ACOXL: variants seen among roughly 807,000 people sequenced by gnomAD.
The protein encoded by ACOXL is acyl-CoA oxidase like, also known as acyl-coenzyme A oxidase-like protein.
ACOXL carries 70 observed loss-of-function variants against 71.9 expected under a neutral mutation model. That is an observed-to-expected ratio of 0.97 (90% CI 0.80 to 1.19). ACOXL has a LOEUF of 1.19. ACOXL is among the 50% of genes most tolerant of loss of function. ACOXL has a pLI of 0.00. For missense variants in ACOXL, 703 were observed against 736.3 expected (o/e 0.95, Z 0.52); for synonymous variants, 253 against 281.6 (o/e 0.90, Z 1.02).
chr2:110,829,618 C>T (rs1254932906), intron 9 of ACOXL, among the ~76,000 whole-genome samples: 1 of 152,214 alleles, frequency 6.6e-6, no homozygotes, highest in Non-Finnish European at 1.5e-5. Flanking sequence ...ACAGTGACCA[C>T]ACTTCTGTGG....
At chr2:110,931,530 C>T (rs1327333068) in intron 11 of ACOXL, among the ~76,000 whole-genome samples, 2 of 152,084 alleles carry the variant, frequency 1.3e-5, no homozygotes, top group Non-Finnish European at 2.9e-5. Context: ...CTGACAGGAA[C>T]ATTATCTATA....
At chr2:110,824,524 T>C (rs898730664) in intron 9 of ACOXL, among the ~76,000 whole-genome samples, 1 of 152,206 alleles carries the variant, frequency 6.6e-6, no homozygotes, top group African/African-American at 2.4e-5. Context: ...AAGTCTCTTT[T>C]TCTCTCTCTT....
chr2:111,023,491 G>T (rs1329508086), intron 14 of ACOXL, among the ~76,000 whole-genome samples: 1 of 152,270 alleles, frequency 6.6e-6, no homozygotes, highest in South Asian at 2.1e-4. Flanking sequence ...TCTGTAGCCC[G>T]TGGAAGTGGT....
chr2:110,894,808 C>G (rs2058943111), intron 10 of ACOXL, among the ~76,000 whole-genome samples: 1 of 152,114 alleles, frequency 6.6e-6, no homozygotes, highest in East Asian at 1.9e-4. Flanking sequence ...TATGGGGAGC[C>G]AGAACTCCTG....
At chr2:111,037,621 G>A (rs2065580236) in intron 15 of ACOXL, among the ~76,000 whole-genome samples, 2 of 152,148 alleles carry the variant, frequency 1.3e-5, no homozygotes, top group South Asian at 2.1e-4. Context: ...CCAAAGACTC[G>A]CTAAATGCTT....
intron 15 of ACOXL, among the ~76,000 whole-genome samples, chr2:111,041,190 C>G (rs184913258): frequency 1.3e-4 from 20 of 152,222 alleles, no homozygotes; most frequent in Admixed American, 1.1e-3. Flanking sequence ...GCCACACATG[C>G]AGATGCCGAG....
intron 9 of ACOXL, among the ~76,000 whole-genome samples, chr2:110,839,670 C>T (rs545942471): frequency 4.6e-5 from 7 of 152,254 alleles, no homozygotes; most frequent in African/African-American, 1.7e-4. Context: ...CTGAATTATT[C>T]TGGAACCAAG....
intron 10 of ACOXL, among the ~76,000 whole-genome samples, chr2:110,862,772 AC>A: frequency 6.6e-6 from 1 of 152,158 alleles, no homozygotes; most frequent in Non-Finnish European, 1.5e-5. Context: ...GCCGAGTGAA[AC>A]CCCAAAGGCT....
chr2:111,065,203 A>T lies in ACOXL; in HGVS notation c.1440+15915A>T, dbSNP rs867901930. On this transcript the variant is annotated intron_variant, in intron 16 of 17. Transcript: ENST00000439055. Reference sequence around the variant, plus strand: ...AGTGCAGAAATAGACCCATACCAACATGCCCAACTGATTTTTTTATGAAAT... The same window carrying T: ...AGTGCAGAAATAGACCCATACCAACTTGCCCAACTGATTTTTTTATGAAAT... Among the ~76,000 whole-genome samples the T allele has an allele frequency of 4.6e-5, 7 of 152,372 alleles. No homozygotes were observed. The South Asian group carries it at 1.4e-3, about 32-fold the overall frequency.
At chr2:110,766,610 G>A (rs1414369840) in intron 1 of ACOXL, among the ~76,000 whole-genome samples, 1 of 152,184 alleles carries the variant, frequency 6.6e-6, no homozygotes, top group African/African-American at 2.4e-5. Context: ...GGGAAGGAGA[G>A]GGGTGAATTA....
chr2:110,925,650 A>G (rs1476026342), intron 11 of ACOXL, among the ~76,000 whole-genome samples: 4 of 152,218 alleles, frequency 2.6e-5, no homozygotes, highest in Admixed American at 6.5e-5. Flanking sequence ...TCTTCCATCC[A>G]GACCACTAAA....
intron 16 of ACOXL, among the ~76,000 whole-genome samples, chr2:111,064,246 C>T (rs1446166830): frequency 6.6e-6 from 1 of 152,042 alleles, no homozygotes; most frequent in East Asian, 1.9e-4. Flanking sequence ...ACCATCCTGG[C>T]TAACACAGTG....
At chr2:110,995,782 A>AT (rs1558842960) in intron 13 of ACOXL, 111 bp from the exon 14 acceptor site, 2 of 743,078 alleles carry the variant, frequency 2.7e-6, no homozygotes, top group East Asian at 5.4e-5. Flanking sequence ...TATTGACACT[A>AT]TTTTTCTACA....
chr2:110,798,859 A>G lies in ACOXL; in HGVS notation c.460+135A>G, dbSNP rs1202973802. 3 of 1,137,970 alleles carry G rather than the reference A, an allele frequency of 2.6e-6. No individual in the cohort carries two copies. The East Asian group carries it at 7.3e-5, about 28-fold the overall frequency. The allele number at this position is 1,137,970 out of a possible 1,614,324, so 70.5% of individuals were successfully genotyped here. The stretch of plus-strand genomic sequence containing the variant: ...TTTATCTCCTAATATGCATGAAGAA[A>G]TTTATCATTACATTTTGACATTATA... On this transcript the variant is annotated intron_variant, in intron 6 of 17. Coordinates refer to ENST00000439055, the MANE Select transcript of ACOXL (RefSeq NM_001142807.4).
At chr2:110,819,176 C>G (rs192274538) in intron 9 of ACOXL, among the ~76,000 whole-genome samples, 3 of 152,114 alleles carry the variant, frequency 2.0e-5, no homozygotes, top group Admixed American at 2.0e-4. Context: ...TAGCAAATGT[C>G]CAATAGATTG....
chr2:110,902,236 C>T (rs2059266524), intron 10 of ACOXL, among the ~76,000 whole-genome samples: 1 of 152,010 alleles, frequency 6.6e-6, no homozygotes, highest in Admixed American at 6.6e-5. Context: ...TTGGGAGGCC[C>T]AGGTGGGCAG....
At chr2:110,939,014 T>A (rs923784070) in intron 12 of ACOXL, among the ~76,000 whole-genome samples, 1 of 152,210 alleles carries the variant, frequency 6.6e-6, no homozygotes, top group Non-Finnish European at 1.5e-5. Context: ...TTAGTGTGTC[T>A]AGTTTAGGAG....
At chr2:110,782,869 T>A (rs1285727863) in intron 2 of ACOXL, among the ~76,000 whole-genome samples, 1 of 152,192 alleles carries the variant, frequency 6.6e-6, no homozygotes, top group Non-Finnish European at 1.5e-5. Flanking sequence ...TTTGTTGTGA[T>A]GATTCCAGAG....
At chr2:110,859,042 T>C (rs1002015) in intron 10 of ACOXL, among the ~76,000 whole-genome samples, 73,009 of 152,154 alleles carry the variant, frequency 0.48, 18,666 homozygotes, top group South Asian at 0.61. Flanking sequence ...AAGGTCAAAT[T>C]GCAAAGTTGA....
Sources: allele counts gnomAD v4.1 joint callset (sites outside exome capture counted in the v4.1 genomes callset), GRCh38; gene constraint gnomAD v4.1.1; transcripts MANE v1.5; gene names NCBI Gene and HGNC (gene_info 2026-07-23, HGNC 2026-07-21).